The following SPON1 variants were observed in gnomAD, a reference collection of about 807,000 sequenced individuals.
The protein encoded by SPON1 is spondin-1.
In SPON1, 52 loss-of-function variants were observed where a neutral mutation model predicts 111.7. The observed-to-expected ratio is 0.47, with a 90% confidence interval of 0.37 to 0.59. The LOEUF is 0.59. Ranked by LOEUF, SPON1 falls within the 20% of genes least tolerant of loss-of-function variation. The pLI is 0.00. For synonymous variants in SPON1, 410 were observed against 395.8 expected, an observed-to-expected ratio of 1.04 and a Z score of -0.43; for missense variants, 957 against 1,068.5, an observed-to-expected ratio of 0.90 and a Z score of 1.46.
chr11:14,254,773 C>G, intron 8 of SPON1, 44 bp downstream of exon 8: 6 of 1,583,464 alleles, frequency 3.8e-6, no homozygotes, highest in Non-Finnish European at 4.3e-6. Flanking sequence ...CTTGCCTACC[C>G]GCTTCCTGAG....
At chr11:13,984,259 C>T (rs1848165341) in intron 2 of SPON1, among the ~76,000 whole-genome samples, 1 of 152,066 alleles carries the variant, frequency 6.6e-6, no homozygotes. Flanking sequence ...ATTTTTGGAC[C>T]AGGAAATTGA....
intron 3 of SPON1, among the ~76,000 whole-genome samples, chr11:14,066,841 A>G (rs545730108): frequency 1.6e-4 from 24 of 151,930 alleles, no homozygotes; most frequent in Non-Finnish European, 2.8e-4. Flanking sequence ...CCCTCTTCTC[A>G]GTCTCTTCTG....
intron 2 of SPON1, among the ~76,000 whole-genome samples, chr11:14,000,833 T>TTA (rs1848311834): frequency 6.6e-6 from 1 of 152,140 alleles, no homozygotes; most frequent in Admixed American, 6.5e-5. Context: ...TTTTACCATT[T>TTA]TAGTGACAAC....
chr11:14,260,655 C>T lies in SPON1; in HGVS notation c.1899C>T (p.Gly633=), dbSNP rs782408592. 1.2e-6 allele frequency: 2 copies of T among 1,614,000 alleles called. No homozygotes were observed. The highest frequency in any genetic ancestry group is 2.2e-5 in the East Asian group (1 of 44,874). Residue 633 remains glycine, a synonymous_variant, in exon 14 of 16, where the codon GGC becomes GGT. Coordinates refer to ENST00000576479, the MANE Select transcript of SPON1 (RefSeq NM_006108.4). ...ACTGCAGCGTGACCTGCGGGAAGGG[C>T]ATGCGAACCCGACAGCGGATGCTCA... ...WSDCSVTCGK[G]MRTRQRMLKS... is the part of the protein sequence containing the mutation.
In SPON1 at chr11:13,983,069, G is replaced by A. The variant is rs560091569; in HGVS notation, c.345+116G>A. 559 of 656,588 alleles carry A rather than the reference G, an allele frequency of 8.5e-4. 7 individuals are homozygous for A. The South Asian group carries it at 0.01, about 12-fold the overall frequency. 40.7% of individuals were successfully genotyped at this position (656,588 alleles called of 1,614,324 possible). On this transcript the variant is annotated intron_variant, in intron 2 of 15. Transcript: ENST00000576479. The stretch of plus-strand genomic sequence containing the variant: ...CAGTCCCTTGACCGTTGGCCAACGG[G>A]GGCAGGTCCATTTGAAAGGGTCATC...
intron 5 of SPON1, among the ~76,000 whole-genome samples, chr11:14,128,839 T>A (rs1471851214): frequency 6.6e-6 from 1 of 152,246 alleles, no homozygotes; most frequent in Non-Finnish European, 1.5e-5. Flanking sequence ...GCCATCTGTG[T>A]ACCCACAGAC....
chr11:14,196,594 G>A (rs1848404993), intron 6 of SPON1, among the ~76,000 whole-genome samples: 1 of 152,168 alleles, frequency 6.6e-6, no homozygotes, highest in Non-Finnish European at 1.5e-5. Context: ...TCCAACCAGT[G>A]GTCTTTCCAC....
rs56265194 is a variant in SPON1, at chr11:14,240,589, TTGTGTGTGTG to T, written c.826-2705_826-2696del. On this transcript the variant is annotated intron_variant, in intron 6 of 15. Transcript: ENST00000576479. Reference sequence around the variant, plus strand: ...TTGGCCAAAAGGCCAAGAAGCAATATTGTGTGTGTGTGTGTGTGTGTGTGTGTGTGTGTGT... The same window carrying T: ...TTGGCCAAAAGGCCAAGAAGCAATATTGTGTGTGTGTGTGTGTGTGTGTGT... Among the ~76,000 whole-genome samples, 1,300 of 140,340 alleles carry T rather than the reference TTGTGTGTGTG, an allele frequency of 9.3e-3. 12 individuals carry two copies. The highest frequency in any genetic ancestry group is 0.025 in the African/African-American group (922 of 37,260). 92.1% of individuals were successfully genotyped at this position (140,340 alleles called of 152,430 possible). A position where few individuals can be genotyped will look rare whatever the true frequency, so the allele number is the denominator to read the frequency against.
chr11:14,003,110 C>T (rs575505612), intron 2 of SPON1, among the ~76,000 whole-genome samples: 18 of 152,254 alleles, frequency 1.2e-4, no homozygotes, highest in African/African-American at 3.1e-4. Flanking sequence ...TCCTCAGTAT[C>T]GCAGAGGGAG....
At chr11:14,056,475 C>T (rs1346279281) in intron 3 of SPON1, among the ~76,000 whole-genome samples, 1 of 132,966 alleles carries the variant, frequency 7.5e-6, no homozygotes, top group African/African-American at 4.3e-5. Flanking sequence ...ACTGGATCTC[C>T]ATTTCTTTTA....
intron 3 of SPON1, among the ~76,000 whole-genome samples, chr11:14,047,822 T>C (rs1156721860): frequency 6.6e-6 from 1 of 152,208 alleles, no homozygotes; most frequent in Admixed American, 6.5e-5. Flanking sequence ...AATCTATTGC[T>C]AAATCATAGA....
intron 5 of SPON1, among the ~76,000 whole-genome samples, chr11:14,116,129 A>G (rs1849265262): frequency 6.6e-6 from 1 of 152,134 alleles, no homozygotes; most frequent in African/African-American, 2.4e-5. Context: ...TTCTTTATAT[A>G]GTCTAGATAA....
At position 14,160,739 on chromosome 11, in the gene SPON1, A is replaced by ATATATATTTATATAT. The variant is rs1333343096; in HGVS notation, c.825+25171_825+25172insTATATATTTATATAT. 2.1e-3 allele frequency among the ~76,000 whole-genome samples: 52 copies of ATATATATTTATATAT among 25,296 alleles called. 4 individuals carry two copies. The highest frequency in any genetic ancestry group is 5.7e-3 in the African/African-American group (42 of 7,420). The allele number at this position is 25,296 out of a possible 152,430, so 16.6% of individuals were successfully genotyped here. Reference sequence around the variant, plus strand: ...TATATTTATATATTTATATATATTTAATTTATATATATTTATATATATTTA... The same window carrying ATATATATTTATATAT: ...TATATTTATATATTTATATATATTTATATATATTTATATATATTTATATATATTTATATATATTTA... On this transcript the variant is annotated intron_variant, in intron 6 of 15. Coordinates refer to ENST00000576479, the MANE Select transcript of SPON1 (RefSeq NM_006108.4).
chr11:14,202,027 T>C (rs1292258796), intron 6 of SPON1, among the ~76,000 whole-genome samples: 5 of 152,240 alleles, frequency 3.3e-5, no homozygotes, highest in Non-Finnish European at 7.3e-5. Flanking sequence ...TGAAAAGATA[T>C]CATAGTTTAA....
At chr11:14,114,889 A>G (rs1461191995) in intron 5 of SPON1, among the ~76,000 whole-genome samples, 1 of 152,160 alleles carries the variant, frequency 6.6e-6, no homozygotes, top group African/African-American at 2.4e-5. Flanking sequence ...CACAAACGTG[A>G]CAGTGAATTT....
chr11:13,997,216 C>G (rs1387466462), intron 2 of SPON1, among the ~76,000 whole-genome samples: 1 of 152,180 alleles, frequency 6.6e-6, no homozygotes, highest in Non-Finnish European at 1.5e-5. Flanking sequence ...AGGTTAGCAT[C>G]ACAGTAGAAA....
intron 6 of SPON1, among the ~76,000 whole-genome samples, chr11:14,143,343 C>T (rs977419660): frequency 3.9e-5 from 6 of 152,164 alleles, no homozygotes; most frequent in African/African-American, 1.4e-4. Context: ...GGGCAGATCA[C>T]TTGAGCTCAG....
intron 5 of SPON1, among the ~76,000 whole-genome samples, chr11:14,098,183 A>C (rs1370807790): frequency 1.3e-5 from 2 of 152,158 alleles, no homozygotes; most frequent in East Asian, 1.9e-4. Flanking sequence ...TTTTTAGTAG[A>C]GACGGGGTTT....
intron 6 of SPON1, among the ~76,000 whole-genome samples, chr11:14,182,285 G>A (rs985879802): frequency 2.2e-4 from 34 of 152,124 alleles, no homozygotes; most frequent in Non-Finnish European, 3.2e-4. Flanking sequence ...TGTGAGAGAG[G>A]CTAACACACC....
Sources: gnomAD v4.1 joint callset for allele counts (sites outside exome capture counted in the v4.1 genomes callset) on GRCh38, gnomAD v4.1.1 for gene constraint, MANE v1.5 for transcripts, NCBI Gene and HGNC (gene_info 2026-07-23, HGNC 2026-07-21) for gene names.